The following TBX21 variants were observed in gnomAD, a reference collection of about 807,000 sequenced individuals.
TBX21 encodes T-box transcription factor TBX21.
Under a neutral mutation model 52.2 loss-of-function variants are expected in TBX21, and 11 were observed. The ratio of observed to expected loss-of-function variants is 0.21; its 90% CI spans 0.13 to 0.35. The LOEUF (loss-of-function observed/expected upper bound fraction) is 0.35. Ranked by LOEUF, TBX21 falls within the 10% of genes least tolerant of loss-of-function variation. The probability of loss-of-function intolerance (pLI) is 1.00; values close to 1 mark genes in which losing one functional copy is unlikely to be tolerated. For synonymous variants in TBX21, 300 were observed against 316.1 expected, an observed-to-expected ratio of 0.95 and a Z score of 0.54; for missense variants, 625 against 755.1, an observed-to-expected ratio of 0.83 and a Z score of 2.02.
chr17:47,744,624 G>T, intron 5 of TBX21, 81 bp downstream of exon 5: 1 of 1,606,872 alleles, frequency 6.2e-7, no homozygotes. Context: ...GGAGGGTGGG[G>T]GACAGATGCT....
chr17:47,741,247 G>A (rs536171013), intron 1 of TBX21, among the ~76,000 whole-genome samples: 432 of 152,122 alleles, frequency 2.8e-3, no homozygotes, highest in Middle Eastern at 0.024. Context: ...CGTGGTTATC[G>A]TGATGGTGGA....
intron 1 of TBX21, among the ~76,000 whole-genome samples, chr17:47,736,486 T>G (rs1355347554): frequency 1.3e-5 from 2 of 152,106 alleles, no homozygotes; most frequent in Non-Finnish European, 2.9e-5. Context: ...GTGTGTGTGT[T>G]TTCCAATCCT....
chr17:47,744,338 C>A lies in TBX21; in HGVS notation c.912C>A (p.Ala304=). 1 of 1,614,232 alleles carries A rather than the reference C, an allele frequency of 6.2e-7. No homozygotes were observed. The highest frequency in any genetic ancestry group is 1.1e-5 in the South Asian group (1 of 91,084). ...AAACCCAGTTCATTGCCGTGACTGC[C>A]TACCAGAATGCCGAGGTGAGGGCTG... is the stretch of plus-strand genomic sequence containing the variant. ...FQETQFIAVT[A]YQNAEITQLK... The change falls in exon 4 of 6, where the codon GCC becomes GCA. Residue 304 remains alanine, a synonymous_variant. Transcript: ENST00000177694.
chr17:47,734,066 G>C (rs1212577476), intron 1 of TBX21, 121 bp downstream of exon 1: 2 of 1,512,592 alleles, frequency 1.3e-6, no homozygotes, highest in Non-Finnish European at 1.8e-6. Flanking sequence ...TGGCTTCAGC[G>C]TAGGGAGACA....
In TBX21 at chr17:47,733,795, G is replaced by T. The variant is rs2143417664; in HGVS notation, c.341G>T (p.Arg114Leu). 1 of 1,567,402 alleles carries T rather than the reference G, an allele frequency of 6.4e-7. No individual in the cohort carries two copies. Among genetic ancestry groups the T allele is most frequent in the Non-Finnish European group, 8.6e-7 (1 of 1,158,174 alleles). Residue 114 changes from arginine (R) to leucine (L), a missense_variant, in exon 1 of 6, where the codon CGC becomes CTC. Transcript: ENST00000177694. This position sits in a 1 kb window ranked among gnomAD's most constrained non-coding sequence, Gnocchi z 6.6. Reference sequence around the variant, plus strand: ...GAGGGCTACGCCGCCCCGGACCCGCGCGCCGGGCTCTACCCGGGGCCGCGT... The same window carrying T: ...GAGGGCTACGCCGCCCCGGACCCGCTCGCCGGGCTCTACCCGGGGCCGCGT... ...PGEGYAAPDP[R>L]AGLYPGPRED...
At position 47,742,604 on chromosome 17, in the gene TBX21, C is replaced by T. The variant is rs914681595; in HGVS notation, c.492-6C>T. On this transcript the variant is annotated splice_polypyrimidine_tract_variant and splice_region_variant and intron_variant, in intron 1 of 5. Coordinates refer to ENST00000177694, the MANE Select transcript of TBX21 (RefSeq NM_013351.2). The surrounding 1 kb of genome is among the most constrained non-coding windows in gnomAD (Gnocchi z 4.4). ...GGGTGCTGGGGGCTTTCTCTCTTCT[C>T]TCCAGGCGGATGTTCCCATTCCTGT... The T allele has an allele frequency of 6.3e-7, 1 of 1,597,682 alleles. No homozygotes were observed. The highest frequency in any genetic ancestry group is 1.7e-4 in the Middle Eastern group (1 of 6,034).
chr17:47,734,448 G>T lies in TBX21; in HGVS notation c.491+503G>T, dbSNP rs532861970. ...AGCTTTAGTGGTGGTAGTGGTGGTG[G>T]TAGCGGTGGTGGTGGTGTGTGTGTA... On this transcript the variant is annotated intron_variant, in intron 1 of 5. Coordinates refer to ENST00000177694, the MANE Select transcript of TBX21 (RefSeq NM_013351.2). Among the ~76,000 whole-genome samples the T allele has an allele frequency of 1.1e-4, 17 of 152,144 alleles. No individual in the cohort carries two copies. The South Asian group carries it at 3.3e-3, about 30-fold the overall frequency.
Position 47,733,648 on chromosome 17 carries a change from C to T in TBX21, c.194C>T (p.Pro65Leu), listed in dbSNP as rs2032167855. ...CCCTACCCGGGGGGCGCCTTGGTGC[C>T]CGCCCCGCCGAGCCGCTTCCTTGGA... The part of the protein sequence containing the change: ...GSPYPGGALV[P>L]APPSRFLGAY... The change falls in exon 1 of 6, where the codon CCC (proline) becomes CTC (leucine). Residue 65 changes from proline to leucine, a missense_variant. By Grantham distance (98) the Pro-to-Leu change is moderately conservative. Coordinates refer to ENST00000177694, the MANE Select transcript of TBX21 (RefSeq NM_013351.2). This position sits in a 1 kb window ranked among gnomAD's most constrained non-coding sequence, Gnocchi z 6.6. 6.9e-7 allele frequency: 1 copy of T among 1,448,980 alleles called. No homozygotes were observed. The highest frequency in any genetic ancestry group is 3.0e-5 in the East Asian group (1 of 32,832). The allele number at this position is 1,448,980 out of a possible 1,614,324, so 89.8% of individuals were successfully genotyped here.
Position 47,733,791 on chromosome 17 carries a change from CCG to C in TBX21, c.343_344del (p.Ala115ArgfsTer8). Reference protein sequence around the residue: ...QPGEGYAAPDPRAGLYPGPRE... With the variant: ...QPGEGYAAPDXRAGLYPGPRE... Reference sequence around the variant, plus strand: ...GGGCGAGGGCTACGCCGCCCCGGACCCGCGCGCCGGGCTCTACCCGGGGCCGC... The same window carrying C: ...GGGCGAGGGCTACGCCGCCCCGGACCCGCGCCGGGCTCTACCCGGGGCCGC... On this transcript the variant is annotated frameshift_variant, in exon 1 of 6. Transcript: ENST00000177694. LOFTEE classifies it high-confidence loss of function. This position sits in a 1 kb window ranked among gnomAD's most constrained non-coding sequence, Gnocchi z 6.6. 6.4e-7 allele frequency: 1 copy of C among 1,563,790 alleles called. No individual in the cohort carries two copies. Among genetic ancestry groups the C allele is most frequent in the Non-Finnish European group, 8.7e-7 (1 of 1,156,048 alleles).
At position 47,742,862 on chromosome 17, in the gene TBX21, A is replaced by G. The variant is rs1232470764; in HGVS notation, c.646+98A>G. The G allele has an allele frequency of 9.0e-6, 13 of 1,452,414 alleles. No homozygotes were observed. The highest frequency in any genetic ancestry group is 1.2e-5 in the Non-Finnish European group (13 of 1,100,330). The allele number at this position is 1,452,414 out of a possible 1,614,324, so 90.0% of individuals were successfully genotyped here. On this transcript the variant is annotated intron_variant, in intron 2 of 5. Transcript: ENST00000177694. This position sits in a 1 kb window ranked among gnomAD's most constrained non-coding sequence, Gnocchi z 4.4. ...CCTACCCCTAATTCCTAGACCTTTAACCCCCTCCCACTCCATCCCACGCCA... is the reference window on the plus strand; with the variant it reads ...CCTACCCCTAATTCCTAGACCTTTAGCCCCCTCCCACTCCATCCCACGCCA...
rs543845582 is a variant in TBX21 at position 47,742,364 on chromosome 17, G to A, written c.492-246G>A. Among the ~76,000 whole-genome samples, 3 of 152,328 alleles carry A rather than the reference G, an allele frequency of 2.0e-5. No individual in the cohort carries two copies. The highest frequency in any genetic ancestry group is 2.1e-4 in the South Asian group (1 of 4,828). On this transcript the variant is annotated intron_variant, in intron 1 of 5. Coordinates refer to ENST00000177694, the MANE Select transcript of TBX21 (RefSeq NM_013351.2). This position sits in a 1 kb window ranked among gnomAD's most constrained non-coding sequence, Gnocchi z 4.4. ...CTCAAAGTGCTGGGATTACAGGCAT[G>A]AGCCACTGTGCCGGGCCTACTTTGA...
At chr17:47,734,380 C>A (rs968210955) in intron 1 of TBX21, among the ~76,000 whole-genome samples, 1 of 152,032 alleles carries the variant, frequency 6.6e-6, no homozygotes, top group Non-Finnish European at 1.5e-5. Flanking sequence ...GGGCCCCCTG[C>A]GCCCACCTCC....
intron 1 of TBX21, among the ~76,000 whole-genome samples, chr17:47,736,040 C>T (rs904440836): frequency 1.1e-4 from 16 of 152,210 alleles, no homozygotes; most frequent in Non-Finnish European, 2.4e-4. Flanking sequence ...TAGAGCACTT[C>T]AGGGAGGCAC....
In TBX21 at chr17:47,743,073, AAC is replaced by A; in HGVS notation, c.650_651del (p.Asn217ThrfsTer48). The A allele has an allele frequency of 6.2e-7, 1 of 1,614,056 alleles. No individual in the cohort carries two copies. The highest frequency in any genetic ancestry group is 8.5e-7 in the Non-Finnish European group (1 of 1,179,970). ...TCAAAGAGGTGAACTGTCCACAGGA[AAC>A]CGCCTGTACGTCCACCCGGACTCCC... The part of the protein sequence containing the change: ...CGKAEGSMPG[N>X]RLYVHPDSPN... On this transcript the variant is annotated frameshift_variant, in exon 3 of 6. Coordinates refer to ENST00000177694, the MANE Select transcript of TBX21 (RefSeq NM_013351.2). LOFTEE classifies it high-confidence loss of function.
chr17:47,735,741 TC>T (rs1272530596), intron 1 of TBX21, among the ~76,000 whole-genome samples: 1 of 152,190 alleles, frequency 6.6e-6, no homozygotes, highest in Non-Finnish European at 1.5e-5. Context: ...CCAAGCAGTC[TC>T]CCCATTTTAC....
In TBX21 at chr17:47,744,826, T is replaced by C. The variant is rs1427202564; in HGVS notation, c.1068T>C (p.Ser356=). 2.5e-6 allele frequency: 4 copies of C among 1,614,114 alleles called. No individual in the cohort carries two copies. The highest frequency in any genetic ancestry group is 3.3e-5 in the Admixed American group (2 of 60,014). Residue 356 remains serine, a synonymous_variant, in exon 6 of 6, where the codon TCT becomes TCC. Transcript: ENST00000177694. The part of the protein sequence containing the change: ...NCQFLGGDHY[S]PLLPNQYPVP... ...AATTCCTTGGGGGAGATCACTACTCTCCTCTCCTACCCAACCAGTATCCTG... is the reference window on the plus strand; with the variant it reads ...AATTCCTTGGGGGAGATCACTACTCCCCTCTCCTACCCAACCAGTATCCTG...
Position 47,745,515 on chromosome 17 carries a change from G to A in TBX21, c.*149G>A. The A allele has an allele frequency of 1.7e-6, 2 of 1,156,536 alleles. No individual in the cohort carries two copies. The highest frequency in any genetic ancestry group is 2.4e-6 in the Non-Finnish European group (2 of 845,020). 71.6% of individuals were successfully genotyped at this position (1,156,536 alleles called of 1,614,324 possible). ...TGGTTGGGGAAGTGGGGCTCAAGAA[G>A]GATTTTGGGGTTCACCAGATGCTTC... On this transcript the variant is annotated 3_prime_UTR_variant, in exon 6 of 6. Transcript: ENST00000177694.
At chr17:47,737,304 G>C (rs2032217869) in intron 1 of TBX21, among the ~76,000 whole-genome samples, 1 of 152,182 alleles carries the variant, frequency 6.6e-6, no homozygotes, top group African/African-American at 2.4e-5. Flanking sequence ...CTGTGTCTCT[G>C]TGGGTGTGTG....
chr17:47,744,440 C>G, intron 4 of TBX21, 42 bp from the exon 5 acceptor site: 3 of 1,613,920 alleles, frequency 1.9e-6, no homozygotes, highest in Non-Finnish European at 1.7e-6. Context: ...TTCCCGAGCC[C>G]CAGACTCAGG....
Sources: allele counts gnomAD v4.1 joint callset (sites outside exome capture counted in the v4.1 genomes callset), GRCh38; gene constraint gnomAD v4.1.1; non-coding constraint Gnocchi (gnomAD v3.1); transcripts MANE v1.5; gene names NCBI Gene and HGNC (gene_info 2026-07-23, HGNC 2026-07-21).